RIMS2: variants seen among roughly 807,000 people sequenced by gnomAD.
RIMS2 encodes the protein regulating synaptic membrane exocytosis 2.
A neutral mutation model predicts 174.4 loss-of-function variants in RIMS2; 59 were observed. That is an observed-to-expected ratio of 0.34 (90% CI 0.27 to 0.42). The LOEUF (loss-of-function observed/expected upper bound fraction) is 0.42. RIMS2 is among the 10% of genes least tolerant of loss of function. The probability of loss-of-function intolerance (pLI) is 1.00; values close to 1 mark genes in which losing one functional copy is unlikely to be tolerated. For synonymous variants in RIMS2, 606 were observed against 572.5 expected (o/e 1.06, Z -0.84); for missense variants, 1,620 against 1,666.3 (o/e 0.97, Z 0.48).
intron 10 of RIMS2, chr8:103,922,815 A>T (rs2077977104): frequency 4.9e-6 from 1 of 205,498 alleles, no homozygotes; most frequent in African/African-American, 2.4e-5. Context: ...GAGTTATAGG[A>T]AGTATATGCA....
Position 103,628,418 on chromosome 8 carries a change from G to A in RIMS2, c.177-68668G>A, listed in dbSNP as rs547423445. On this transcript the variant is annotated intron_variant, in intron 1 of 23. Coordinates refer to ENST00000504942, the Ensembl canonical transcript of RIMS2. ...GCCCAGGCCTGGAGTACAATGGCACGATCTCAGCTCACCACAACCTCCGCC... is the reference window on the plus strand; with the variant it reads ...GCCCAGGCCTGGAGTACAATGGCACAATCTCAGCTCACCACAACCTCCGCC... 7.6e-4 allele frequency among the ~76,000 whole-genome samples: 113 copies of A among 149,250 alleles called. No individual in the cohort carries two copies. The South Asian group carries it at 0.023, about 30-fold the overall frequency.
intron 15 of RIMS2, among the ~76,000 whole-genome samples, chr8:103,962,541 A>T (rs2090471577): frequency 6.6e-6 from 1 of 152,136 alleles, no homozygotes; most frequent in Non-Finnish European, 1.5e-5. Flanking sequence ...AATATACTAT[A>T]TTTTGCTACT....
At chr8:103,588,240 AAAATT>A (rs1001340728) in intron 1 of RIMS2, among the ~76,000 whole-genome samples, 2 of 152,038 alleles carry the variant, frequency 1.3e-5, no homozygotes, top group East Asian at 1.9e-4. Flanking sequence ...ACTGAAGAAA[AAAATT>A]AAAGAGGACA....
chr8:104,247,866 G>A (rs2099344881), intron 20 of RIMS2, among the ~76,000 whole-genome samples: 1 of 152,166 alleles, frequency 6.6e-6, no homozygotes, highest in South Asian at 2.1e-4. Context: ...CAGCATAGAT[G>A]GCATTTAAAA....
At chr8:103,593,902 G>A (rs539566900) in intron 1 of RIMS2, among the ~76,000 whole-genome samples, 4 of 151,392 alleles carry the variant, frequency 2.6e-5, no homozygotes, top group African/African-American at 9.6e-5. Context: ...AGCACATTGA[G>A]ATCCTCAATA....
At chr8:103,782,374 CAGTT>C (rs1175338514) in intron 3 of RIMS2, among the ~76,000 whole-genome samples, 1 of 151,440 alleles carries the variant, frequency 6.6e-6, no homozygotes, top group Non-Finnish European at 1.5e-5. Flanking sequence ...TAATGATGAA[CAGTT>C]AGATTATTAC....
intron 19 of RIMS2, among the ~76,000 whole-genome samples, chr8:104,181,420 A>C (rs1038348150): frequency 6.6e-6 from 1 of 151,636 alleles, no homozygotes; most frequent in African/African-American, 2.4e-5. Flanking sequence ...CACCGTTAGG[A>C]ATACCATGAC....
intron 2 of RIMS2, among the ~76,000 whole-genome samples, chr8:103,740,927 A>G (rs923857785): frequency 6.6e-6 from 1 of 152,094 alleles, no homozygotes; most frequent in Non-Finnish European, 1.5e-5. Context: ...GTTTATCCAC[A>G]TGTAATATAT....
intron 3 of RIMS2, among the ~76,000 whole-genome samples, chr8:103,779,143 A>G (rs2098355149): frequency 6.6e-6 from 1 of 152,188 alleles, no homozygotes; most frequent in African/African-American, 2.4e-5. Flanking sequence ...TATTCTGGTT[A>G]TCAATTCCTT....
At chr8:103,736,146 A>G (rs1303512360) in intron 2 of RIMS2, among the ~76,000 whole-genome samples, 3 of 152,128 alleles carry the variant, frequency 2.0e-5, no homozygotes, top group African/African-American at 7.2e-5. Context: ...AGCCATAGTA[A>G]TTTTCAGAGT....
intron 4 of RIMS2, among the ~76,000 whole-genome samples, chr8:103,894,277 G>T (rs2099264655): frequency 6.6e-6 from 1 of 151,202 alleles, no homozygotes; most frequent in Non-Finnish European, 1.5e-5. Flanking sequence ...AAAATAGCAA[G>T]ATCTCTGTCC....
intron 1 of RIMS2, among the ~76,000 whole-genome samples, chr8:103,654,989 C>G (rs34353892): frequency 0.18 from 26,764 of 151,626 alleles, 2,536 homozygotes; most frequent in African/African-American, 0.24. Flanking sequence ...GTTGAAAAAT[C>G]TAATGATGAT....
At chr8:103,702,792 G>GT (rs946281243) in intron 2 of RIMS2, among the ~76,000 whole-genome samples, 5 of 145,160 alleles carry the variant, frequency 3.4e-5, no homozygotes, top group Non-Finnish European at 6.0e-5. Flanking sequence ...GTACTATGCT[G>GT]TTTTGGTTAC....
intron 19 of RIMS2, among the ~76,000 whole-genome samples, chr8:104,044,874 A>G (rs1241952121): frequency 1.3e-5 from 2 of 151,772 alleles, no homozygotes; most frequent in East Asian, 1.9e-4. Context: ...ATTCTCTTCC[A>G]AAGTAAGAGT....
intron 2 of RIMS2, among the ~76,000 whole-genome samples, chr8:103,717,338 C>T: frequency 6.6e-6 from 1 of 150,832 alleles, no homozygotes; most frequent in Non-Finnish European, 1.5e-5. Flanking sequence ...TAGGAATCCT[C>T]CCAAATTTTA....
At chr8:103,950,618 G>A (rs1308190197) in intron 14 of RIMS2, among the ~76,000 whole-genome samples, 4 of 152,090 alleles carry the variant, frequency 2.6e-5, no homozygotes, top group Non-Finnish European at 5.9e-5. Context: ...AGCAAAGTAG[G>A]ATAGAAAGGA....
chr8:103,850,481 A>G (rs2098991762), intron 3 of RIMS2, among the ~76,000 whole-genome samples: 1 of 151,988 alleles, frequency 6.6e-6, no homozygotes, highest in East Asian at 1.9e-4. Context: ...AGAGGCTGCT[A>G]AATAAACTGT....
chr8:103,626,238 C>A (rs897082729), intron 1 of RIMS2, among the ~76,000 whole-genome samples: 8 of 152,078 alleles, frequency 5.3e-5, no homozygotes, highest in African/African-American at 1.9e-4. Flanking sequence ...AGTTTTGATT[C>A]ATAGATTGAA....
intron 1 of RIMS2, among the ~76,000 whole-genome samples, chr8:103,520,981 C>T (rs1046742143): frequency 1.3e-5 from 2 of 151,898 alleles, no homozygotes; most frequent in East Asian, 3.9e-4. Flanking sequence ...CAGTTTCATC[C>T]ATGTCCCTAC....
Sources: gnomAD v4.1 joint callset for allele counts (sites outside exome capture counted in the v4.1 genomes callset) on GRCh38, gnomAD v4.1.1 for gene constraint, MANE v1.5 for transcripts, NCBI Gene and HGNC (gene_info 2026-07-23, HGNC 2026-07-21) for gene names.